The following SPIDR variants were observed in gnomAD, a reference collection of about 807,000 sequenced individuals.
The protein encoded by SPIDR is DNA repair-scaffolding protein.
Under a neutral mutation model 104.6 loss-of-function variants are expected in SPIDR, and 93 were observed. The observed-to-expected ratio is 0.89, with a 90% CI of 0.75 to 1.06. The LOEUF (loss-of-function observed/expected upper bound fraction) is 1.06, where lower values mean the gene tolerates loss of function less well. SPIDR is among the 50% of genes least tolerant of loss of function. The pLI, the probability that SPIDR is intolerant of heterozygous loss-of-function variation, is 0.00. For missense variants in SPIDR, 1,154 were observed against 1,111.2 expected, an observed-to-expected ratio of 1.04 and a Z score of -0.55; for synonymous variants, 431 against 416.9, an observed-to-expected ratio of 1.03 and a Z score of -0.41.
At chr8:47,327,212 G>GT (rs2047806058) in intron 5 of SPIDR, among the ~76,000 whole-genome samples, 1 of 152,020 alleles carries the variant, frequency 6.6e-6, no homozygotes, top group Admixed American at 6.6e-5. Context: ...GATGAGCACT[G>GT]TTTCATGTGG....
At chr8:47,714,130 C>G (rs1356352398) in intron 16 of SPIDR, among the ~76,000 whole-genome samples, 1 of 151,986 alleles carries the variant, frequency 6.6e-6, no homozygotes, top group Non-Finnish European at 1.5e-5. Flanking sequence ...GCCCACCAGG[C>G]TGGTGGTGTC....
chr8:47,556,553 G>A (rs2091347854), intron 8 of SPIDR, among the ~76,000 whole-genome samples: 1 of 152,170 alleles, frequency 6.6e-6, no homozygotes, highest in Non-Finnish European at 1.5e-5. Context: ...AGTTGTCACA[G>A]GTCATGGGAT....
chr8:47,468,325 A>C (rs2075209332), intron 8 of SPIDR, among the ~76,000 whole-genome samples: 1 of 152,308 alleles, frequency 6.6e-6, no homozygotes, highest in African/African-American at 2.4e-5. Flanking sequence ...ACTACCAATG[A>C]CATTTTTCAC....
intron 8 of SPIDR, chr8:47,512,089 T>G: frequency 1.8e-6 from 1 of 558,178 alleles, no homozygotes; most frequent in South Asian, 1.9e-5. Context: ...CCGGTCCTGC[T>G]CAGTGCCCAT....
At chr8:47,351,210 A>G (rs1001115570) in intron 5 of SPIDR, among the ~76,000 whole-genome samples, 3 of 152,230 alleles carry the variant, frequency 2.0e-5, no homozygotes, top group African/African-American at 7.2e-5. Context: ...TGATTTATAA[A>G]TTAAGCTTCA....
intron 5 of SPIDR, among the ~76,000 whole-genome samples, chr8:47,316,217 A>G (rs377390106): frequency 2.0e-5 from 3 of 152,222 alleles, no homozygotes; most frequent in African/African-American, 7.2e-5. Context: ...AACATCGTCA[A>G]TTATTAAGGA....
chr8:47,370,620 T>A (rs2003094943), intron 5 of SPIDR, among the ~76,000 whole-genome samples: 1 of 151,542 alleles, frequency 6.6e-6, no homozygotes, highest in South Asian at 2.1e-4. Context: ...CTAATTTTTT[T>A]TTTATCTTTA....
chr8:47,684,245 G>A (rs1180757839), intron 11 of SPIDR, among the ~76,000 whole-genome samples: 1 of 151,026 alleles, frequency 6.6e-6, no homozygotes, highest in Non-Finnish European at 1.5e-5. Flanking sequence ...TCTCAAAAGT[G>A]ACTTTATTCT....
intron 5 of SPIDR, among the ~76,000 whole-genome samples, chr8:47,296,606 G>A (rs1381386136): frequency 7.2e-5 from 11 of 152,160 alleles, no homozygotes; most frequent in African/African-American, 2.7e-4. Flanking sequence ...TCTCTACCCT[G>A]TTTGATTGGT....
At chr8:47,720,761 T>C (rs2083280376) in intron 16 of SPIDR, among the ~76,000 whole-genome samples, 1 of 152,092 alleles carries the variant, frequency 6.6e-6, no homozygotes, top group Non-Finnish European at 1.5e-5. Flanking sequence ...TTTCATACTT[T>C]TTTTTTTCTT....
chr8:47,323,523 T>G (rs929117296), intron 5 of SPIDR, among the ~76,000 whole-genome samples: 3 of 152,234 alleles, frequency 2.0e-5, no homozygotes, highest in East Asian at 3.8e-4. Context: ...AGCATTGGTG[T>G]TGTGTCAGTC....
At chr8:47,265,635 T>C (rs1221290671) in intron 1 of SPIDR, among the ~76,000 whole-genome samples, 1 of 152,188 alleles carries the variant, frequency 6.6e-6, no homozygotes, top group African/African-American at 2.4e-5. Context: ...TACATGTTCA[T>C]AGGTAAGGTA....
At chr8:47,426,253 CA>C (rs1325048759) in intron 7 of SPIDR, among the ~76,000 whole-genome samples, 1 of 151,320 alleles carries the variant, frequency 6.6e-6, no homozygotes, top group Non-Finnish European at 1.5e-5. Flanking sequence ...GACACAGTCT[CA>C]AAAAAAACAA....
intron 10 of SPIDR, among the ~76,000 whole-genome samples, chr8:47,603,906 T>C (rs376475209): frequency 6.6e-6 from 1 of 152,194 alleles, no homozygotes; most frequent in African/African-American, 2.4e-5. Context: ...TTTACTCCTC[T>C]TTTTGGTCTT....
intron 1 of SPIDR, among the ~76,000 whole-genome samples, chr8:47,266,947 ATG>A (rs1554547335): frequency 6.6e-6 from 1 of 152,190 alleles, no homozygotes; most frequent in African/African-American, 2.4e-5. Flanking sequence ...TTCGGTGTGT[ATG>A]GATTTGCCTA....
intron 6 of SPIDR, among the ~76,000 whole-genome samples, chr8:47,399,751 CGTG>C (rs2061639581): frequency 6.6e-6 from 1 of 152,108 alleles, no homozygotes; most frequent in African/African-American, 2.4e-5. Flanking sequence ...AATAATGACC[CGTG>C]AAGCCTAAGC....
intron 16 of SPIDR, 136 bp downstream of exon 16, chr8:47,713,777 G>T: frequency 4.2e-6 from 5 of 1,200,572 alleles, no homozygotes; most frequent in East Asian, 2.6e-5. Flanking sequence ...AAGAACAAAA[G>T]CAGAAATTGT....
intron 8 of SPIDR, among the ~76,000 whole-genome samples, chr8:47,483,517 G>A (rs782518978): frequency 1.3e-5 from 2 of 152,176 alleles, no homozygotes; most frequent in Non-Finnish European, 2.9e-5. Context: ...AAAGTAGTCA[G>A]TGTAGAGGAA....
chr8:47,592,463 C>A, intron 8 of SPIDR: 1 of 1,435,980 alleles, frequency 7.0e-7, no homozygotes, highest in Non-Finnish European at 9.8e-7. Context: ...GTCCCTCCCT[C>A]AAAGGGGGAA....
Sources: gnomAD v4.1 joint callset for allele counts (sites outside exome capture counted in the v4.1 genomes callset) on GRCh38, gnomAD v4.1.1 for gene constraint, MANE v1.5 for transcripts, NCBI Gene and HGNC (gene_info 2026-07-23, HGNC 2026-07-21) for gene names.